The following DOCK8 variants were observed in gnomAD, a reference collection of about 807,000 sequenced individuals.
The protein encoded by DOCK8 is dedicator of cytokinesis 8.
DOCK8 carries 141 observed loss-of-function variants against 245.6 expected under a neutral mutation model. The ratio of observed to expected loss-of-function variants is 0.57; its 90% CI spans 0.50 to 0.66. The LOEUF (loss-of-function observed/expected upper bound fraction) is 0.66, where lower values mean the gene tolerates loss of function less well. Among genes scored for constraint, DOCK8 ranks in the 30% least tolerant of loss-of-function variants. The probability of loss-of-function intolerance (pLI) is 0.00; values close to 1 mark genes in which losing one functional copy is unlikely to be tolerated. For synonymous variants in DOCK8, 1,168 were observed against 970.2 expected (o/e 1.20, Z -3.79); for missense variants, 2,965 against 2,603.4 (o/e 1.14, Z -3.02).
intron 1 of DOCK8, among the ~76,000 whole-genome samples, chr9:269,950 G>C (rs2048120809): frequency 1.3e-5 from 2 of 152,172 alleles, no homozygotes; most frequent in Admixed American, 1.3e-4. Flanking sequence ...GGAACTGCCA[G>C]ATGGCTTTCC....
At chr9:399,575 T>G (rs2054643153) in intron 26 of DOCK8, among the ~76,000 whole-genome samples, 1 of 152,116 alleles carries the variant, frequency 6.6e-6, no homozygotes, top group Non-Finnish European at 1.5e-5. Flanking sequence ...ATACAGTGCT[T>G]TCAGTCTTTG....
intron 29 of DOCK8, among the ~76,000 whole-genome samples, chr9:416,929 T>G (rs2056044183): frequency 6.6e-6 from 1 of 152,268 alleles, no homozygotes; most frequent in Non-Finnish European, 1.5e-5. Flanking sequence ...TTATCAGGTC[T>G]TGCATAATTT....
chr9:289,450 G>A (rs1412731454), intron 3 of DOCK8, 60 bp from the exon 4 acceptor site: 3 of 1,318,838 alleles, frequency 2.3e-6, no homozygotes, highest in East Asian at 4.6e-5. Flanking sequence ...CTCATGATTA[G>A]GGGTTGTTTT....
Position 311,973 on chromosome 9 carries a change from A to G in DOCK8, c.548A>G (p.Asn183Ser), listed in dbSNP as rs764850939. 1 of 1,614,030 alleles carries G rather than the reference A, an allele frequency of 6.2e-7. No homozygotes were observed. The highest frequency in any genetic ancestry group is 2.2e-5 in the East Asian group (1 of 44,886). ...PAAQAGPRHL[N>S]VLCDVSGKGP... Reference sequence around the variant, plus strand: ...TCACAGGCAGGCCCCCGCCACTTAAACGTGCTGTGCGACGTGTCTGGGAAA... The same window carrying G: ...TCACAGGCAGGCCCCCGCCACTTAAGCGTGCTGTGCGACGTGTCTGGGAAA... The change falls in exon 6 of 48, where the codon AAC becomes AGC. Residue 183 changes from asparagine (N) to serine (S), a missense_variant. Transcript: ENST00000432829.
chr9:440,139 C>T (rs536981372), intron 40 of DOCK8, among the ~76,000 whole-genome samples: 7 of 152,136 alleles, frequency 4.6e-5, no homozygotes, highest in Non-Finnish European at 1.0e-4. Context: ...CTGCCTCAGC[C>T]TCATGAGTAG....
intron 45 of DOCK8, 130 bp downstream of exon 45, chr9:450,057 T>G: frequency 9.8e-7 from 1 of 1,023,504 alleles, no homozygotes; most frequent in Non-Finnish European, 1.4e-6. Flanking sequence ...GTTCCTACAC[T>G]TAACCTGAAC....
intron 39 of DOCK8, among the ~76,000 whole-genome samples, chr9:437,980 T>C (rs1229545785): frequency 6.6e-6 from 1 of 152,192 alleles, no homozygotes; most frequent in African/African-American, 2.4e-5. Context: ...GTATCTTGGG[T>C]TATTAAATGC....
chr9:249,473 T>G (rs2047596404), intron 1 of DOCK8, among the ~76,000 whole-genome samples: 2 of 152,204 alleles, frequency 1.3e-5, no homozygotes, highest in Non-Finnish European at 2.9e-5. Flanking sequence ...TTCTTCTTCA[T>G]TCCTAGTTGG....
rs1227785191 is a variant in DOCK8, at chr9:289,503, T to G, written c.333-7T>G. On this transcript the variant is annotated splice_polypyrimidine_tract_variant and splice_region_variant and intron_variant, in intron 3 of 47. Coordinates refer to ENST00000432829, the MANE Select transcript of DOCK8 (RefSeq NM_203447.4). Reference sequence around the variant, plus strand: ...TAACGTGTTTATTTCATTTTCTACCTCATTAGGGTTGAACTGGACCCTCAT... The same window carrying G: ...TAACGTGTTTATTTCATTTTCTACCGCATTAGGGTTGAACTGGACCCTCAT... 1 of 1,612,448 alleles carries G rather than the reference T, an allele frequency of 6.2e-7. No individual in the cohort carries two copies. Among genetic ancestry groups the G allele is most frequent in the Non-Finnish European group, 8.5e-7 (1 of 1,178,774 alleles).
At position 399,266 on chromosome 9, in the gene DOCK8, G is replaced by GCCCCCC. The variant is rs759235664; in HGVS notation, c.3234+7_3234+8insCCCCCC. On this transcript the variant is annotated splice_region_variant and intron_variant, in intron 26 of 47. Transcript: ENST00000432829. ...CAGACATTATTGCAGCCAGGTGAGT[G>GCCCCCC]TCCCCCCCACCCCCACCCCCGAGCG... The GCCCCCC allele has an allele frequency of 3.1e-6, 5 of 1,593,732 alleles. No individual in the cohort carries two copies. The African/African-American group carries it at 7.2e-5, about 23-fold the overall frequency.
chr9:219,349 T>G (rs2046833919), intron 1 of DOCK8, among the ~76,000 whole-genome samples: 1 of 152,076 alleles, frequency 6.6e-6, no homozygotes, highest in Non-Finnish European at 1.5e-5. Context: ...TGTGCACCTG[T>G]AATCCCAGCT....
At chr9:354,626 G>A (rs1288201070) in intron 14 of DOCK8, among the ~76,000 whole-genome samples, 2 of 152,308 alleles carry the variant, frequency 1.3e-5, no homozygotes, top group East Asian at 3.9e-4. Flanking sequence ...GTCACCTCAA[G>A]GGTCCCCTGG....
chr9:215,055 G>C, intron 1 of DOCK8, 26 bp downstream of exon 1: 1 of 1,561,476 alleles, frequency 6.4e-7, no homozygotes, highest in Non-Finnish European at 8.6e-7. Context: ...CGGCGCGCAG[G>C]TTGCGGCCGG....
rs557936536 is a variant in DOCK8, at chr9:304,695, C to G, written c.519C>G (p.Pro173=). ...FESETLECSE[P]AAQAGPRHLN... is the part of the protein sequence containing the mutation. Reference sequence around the variant, plus strand: ...CGGAAACCTTGGAGTGCAGTGAACCCGCTGCTCAGGTATTTCCTGTCAACA... The same window carrying G: ...CGGAAACCTTGGAGTGCAGTGAACCGGCTGCTCAGGTATTTCCTGTCAACA... Residue 173 remains proline, a synonymous_variant, in exon 5 of 48, where the codon CCC becomes CCG. Coordinates refer to ENST00000432829, the MANE Select transcript of DOCK8 (RefSeq NM_203447.4). 7 of 1,614,146 alleles carry G rather than the reference C, an allele frequency of 4.3e-6. No individual in the cohort carries two copies. In the East Asian group the frequency reaches 8.9e-5, roughly 21 times the overall value.
At chr9:367,335 A>C (rs1014383161) in intron 14 of DOCK8, among the ~76,000 whole-genome samples, 2 of 152,244 alleles carry the variant, frequency 1.3e-5, no homozygotes, top group African/African-American at 4.8e-5. Context: ...ACATCAGTGA[A>C]TCAAAAACAT....
At chr9:296,208 C>T (rs181491428) in intron 4 of DOCK8, among the ~76,000 whole-genome samples, 1 of 152,114 alleles carries the variant, frequency 6.6e-6, no homozygotes, top group Non-Finnish European at 1.5e-5. Flanking sequence ...TTTGTCCAAC[C>T]TTTTATCTGC....
At chr9:297,872 A>G (rs2049333177) in intron 4 of DOCK8, among the ~76,000 whole-genome samples, 1 of 152,242 alleles carries the variant, frequency 6.6e-6, no homozygotes, top group Non-Finnish European at 1.5e-5. Flanking sequence ...AGAAGATGCT[A>G]GTCTTAATGC....
chr9:368,590 A>C (rs935607614), intron 15 of DOCK8: 5 of 276,530 alleles, frequency 1.8e-5, no homozygotes, highest in Non-Finnish European at 3.5e-5. Context: ...TAGTAATTAT[A>C]AACACACACC....
chr9:280,029 C>T (rs1359597196), intron 2 of DOCK8, among the ~76,000 whole-genome samples: 1 of 152,184 alleles, frequency 6.6e-6, no homozygotes, highest in African/African-American at 2.4e-5. Flanking sequence ...TAATTTTCAA[C>T]AGATATGGTT....
Sources: allele counts gnomAD v4.1 joint callset (sites outside exome capture counted in the v4.1 genomes callset), GRCh38; gene constraint gnomAD v4.1.1; transcripts MANE v1.5; gene names NCBI Gene and HGNC (gene_info 2026-07-23, HGNC 2026-07-21).